The following KCNH5 variants were observed in gnomAD, a reference collection of about 807,000 sequenced individuals.
KCNH5 encodes voltage-gated delayed rectifier potassium channel KCNH5.
Under a neutral mutation model 96.1 loss-of-function variants are expected in KCNH5, and 46 were observed. That is an observed-to-expected ratio of 0.48 (90% CI 0.38 to 0.61). The LOEUF is 0.61. Among genes scored for constraint, KCNH5 ranks in the 20% least tolerant of loss-of-function variants. The probability of loss-of-function intolerance (pLI) is 0.00; values close to 1 mark genes in which losing one functional copy is unlikely to be tolerated. For missense variants in KCNH5, 907 were observed against 1,225.8 expected, an observed-to-expected ratio of 0.74 and a Z score of 3.88; for synonymous variants, 439 against 449.8, an observed-to-expected ratio of 0.98 and a Z score of 0.30.
At chr14:62,886,628 C>T (rs1394607435) in intron 7 of KCNH5, among the ~76,000 whole-genome samples, 2 of 152,176 alleles carry the variant, frequency 1.3e-5, no homozygotes, top group African/African-American at 4.8e-5. Context: ...AGAAATTGGT[C>T]ATGAGCTCTT....
chr14:62,980,794 A>T, intron 6 of KCNH5, 78 bp downstream of exon 6: 15 of 1,441,358 alleles, frequency 1.0e-5, no homozygotes, highest in Non-Finnish European at 1.4e-5. Flanking sequence ...GGTTTGGATT[A>T]TCTGTGGAAT....
intron 8 of KCNH5, among the ~76,000 whole-genome samples, chr14:62,833,090 G>A (rs1344037730): frequency 6.6e-6 from 1 of 151,506 alleles, no homozygotes; most frequent in Non-Finnish European, 1.5e-5. Context: ...TCTGTTAATT[G>A]TTTCGTTGGT....
In KCNH5 at chr14:62,915,960, C is replaced by CTT. The variant is rs71451285; in HGVS notation, c.1369+34171_1369+34172dup. On this transcript the variant is annotated intron_variant, in intron 7 of 10. Transcript: ENST00000322893. ...TTTTTTCTTTTTTTTTCTTTTTTTT[C>CTT]TTTTTTTTTTTTGAGATGGAGTCTC... is the stretch of plus-strand genomic sequence containing the variant. Among the ~76,000 whole-genome samples the CTT allele has an allele frequency of 2.0e-3, 269 of 136,158 alleles. 2 individuals carry two copies. The Middle Eastern group carries it at 0.023, about 12-fold the overall frequency. The allele number at this position is 136,158 out of a possible 152,430, so 89.3% of individuals were successfully genotyped here. A position where few individuals can be genotyped will look rare whatever the true frequency, so the allele number is the denominator to read the frequency against.
At chr14:62,875,507 G>C (rs1595666068) in intron 7 of KCNH5, among the ~76,000 whole-genome samples, 1 of 151,976 alleles carries the variant, frequency 6.6e-6, no homozygotes, top group Admixed American at 6.6e-5. Flanking sequence ...TAGATCAATG[G>C]AACAGAACAG....
intron 10 of KCNH5, among the ~76,000 whole-genome samples, chr14:62,747,682 T>C (rs1017836247): frequency 1.3e-5 from 2 of 152,182 alleles, no homozygotes; most frequent in Non-Finnish European, 2.9e-5. Flanking sequence ...TTAACCTAAA[T>C]TAGAGAAACG....
At chr14:62,865,414 C>T (rs1888115892) in intron 7 of KCNH5, among the ~76,000 whole-genome samples, 1 of 149,466 alleles carries the variant, frequency 6.7e-6, no homozygotes, top group African/African-American at 2.5e-5. Context: ...GACAGGTAAA[C>T]AAGCTACCAG....
chr14:62,722,705 C>A (rs1884840740), intron 10 of KCNH5, among the ~76,000 whole-genome samples: 1 of 152,120 alleles, frequency 6.6e-6, no homozygotes, highest in Non-Finnish European at 1.5e-5. Flanking sequence ...AAAATAACAT[C>A]ATTTGACATT....
chr14:63,023,264 T>C (rs1186446259), intron 1 of KCNH5, among the ~76,000 whole-genome samples: 1 of 151,980 alleles, frequency 6.6e-6, no homozygotes, highest in Non-Finnish European at 1.5e-5. Flanking sequence ...TCTACAGGGA[T>C]AGAGCCCATG....
rs554080966 is a variant in KCNH5, at chr14:62,794,222, G to A, written c.1822+8107C>T. Among the ~76,000 whole-genome samples the A allele has an allele frequency of 1.5e-3, 221 of 151,900 alleles. 1 individual carries two copies. The highest frequency in any genetic ancestry group is 1.6e-3 in the Admixed American group (25 of 15,222). ...GGGTTTTTGTAACGTATACTGTTAT[G>A]GTGCCTAATTCTTGGCAGTGGTGTT... On this transcript the variant is annotated intron_variant, in intron 9 of 10. Coordinates refer to ENST00000322893, the MANE Select transcript of KCNH5 (RefSeq NM_139318.5).
Position 62,812,116 on chromosome 14 carries a change from C to T in KCNH5, c.1570-9535G>A, listed in dbSNP as rs770420825. On this transcript the variant is annotated intron_variant, in intron 8 of 10. Transcript: ENST00000322893. ...TTCCAGCTATTAAGCTACGCTCCTTCGTGAAGCTCAACCAGGAAAAAAATA... is the reference window on the plus strand; with the variant it reads ...TTCCAGCTATTAAGCTACGCTCCTTTGTGAAGCTCAACCAGGAAAAAAATA... Among the ~76,000 whole-genome samples, 146 of 152,250 alleles carry T rather than the reference C, an allele frequency of 9.6e-4. 1 individual carries two copies. Among genetic ancestry groups the T allele is most frequent in the Non-Finnish European group, 4.9e-4 (33 of 68,008 alleles).
Position 62,739,247 on chromosome 14 carries a change from T to G in KCNH5, c.2020-30792A>C, listed in dbSNP as rs907951683. Among the ~76,000 whole-genome samples, 6 of 152,176 alleles carry G rather than the reference T, an allele frequency of 3.9e-5. 1 individual carries two copies. Among genetic ancestry groups the G allele is most frequent in the Admixed American group, 3.9e-4 (6 of 15,264 alleles). On this transcript the variant is annotated intron_variant, in intron 10 of 10. Coordinates refer to ENST00000322893, the MANE Select transcript of KCNH5 (RefSeq NM_139318.5). ...GAATTAAATCAAAATCAGTGTTAAATCACTTCTAGAGTCACACACTTTTTT... is the reference window on the plus strand; with the variant it reads ...GAATTAAATCAAAATCAGTGTTAAAGCACTTCTAGAGTCACACACTTTTTT...
chr14:62,960,682 A>C (rs933882839), intron 6 of KCNH5, among the ~76,000 whole-genome samples: 4 of 152,152 alleles, frequency 2.6e-5, no homozygotes, highest in Non-Finnish European at 4.4e-5. Context: ...ACAGAAAAAA[A>C]ATTGCAAACT....
At chr14:62,957,337 C>A (rs1890123098) in intron 6 of KCNH5, among the ~76,000 whole-genome samples, 1 of 152,162 alleles carries the variant, frequency 6.6e-6, no homozygotes, top group South Asian at 2.1e-4. Flanking sequence ...AATATTCCTT[C>A]CTATTTTCTT....
At chr14:62,920,443 A>G (rs934972004) in intron 7 of KCNH5, among the ~76,000 whole-genome samples, 3 of 152,072 alleles carry the variant, frequency 2.0e-5, no homozygotes, top group African/African-American at 4.8e-5. Context: ...ATTTATTCCA[A>G]TGTGTCAACT....
intron 7 of KCNH5, 182 bp downstream of exon 7, chr14:62,949,951 G>A: frequency 3.4e-6 from 2 of 583,864 alleles, no homozygotes; most frequent in Non-Finnish European, 6.0e-6. Flanking sequence ...ATTATGTCCT[G>A]AAGAGTAAAA....
intron 10 of KCNH5, among the ~76,000 whole-genome samples, chr14:62,726,558 C>T (rs1884929457): frequency 6.6e-6 from 1 of 150,782 alleles, no homozygotes; most frequent in African/African-American, 2.4e-5. Context: ...CAAAAGAGTA[C>T]AATTTAAAAC....
At chr14:62,835,191 A>G (rs529215891) in intron 8 of KCNH5, among the ~76,000 whole-genome samples, 5 of 152,134 alleles carry the variant, frequency 3.3e-5, no homozygotes, top group African/African-American at 1.2e-4. Context: ...AGGTGGCTGG[A>G]CACCTCTATT....
intron 7 of KCNH5, among the ~76,000 whole-genome samples, chr14:62,889,187 A>C (rs1040479332): frequency 6.6e-6 from 1 of 152,246 alleles, no homozygotes; most frequent in African/African-American, 2.4e-5. Flanking sequence ...ATGGAAATGC[A>C]AAAGTGAGAG....
chr14:62,797,103 T>C (rs1301221661), intron 9 of KCNH5, among the ~76,000 whole-genome samples: 1 of 152,114 alleles, frequency 6.6e-6, no homozygotes. Flanking sequence ...GAACACTGAC[T>C]GTGGTAAGGG....
Sources: gnomAD v4.1 joint callset for allele counts (sites outside exome capture counted in the v4.1 genomes callset) on GRCh38, gnomAD v4.1.1 for gene constraint, MANE v1.5 for transcripts, NCBI Gene and HGNC (gene_info 2026-07-23, HGNC 2026-07-21) for gene names.